KIAA1958: variants seen among roughly 807,000 people sequenced by gnomAD.
KIAA1958 encodes KIAA1958.
Under a neutral mutation model 47.2 loss-of-function variants are expected in KIAA1958, and 14 were observed. The ratio of observed to expected loss-of-function variants is 0.30; its 90% CI spans 0.20 to 0.46. The LOEUF is 0.46. Ranked by LOEUF, KIAA1958 falls within the 20% of genes least tolerant of loss-of-function variation. The probability of loss-of-function intolerance (pLI) is 1.00; values close to 1 mark genes in which losing one functional copy is unlikely to be tolerated. For missense variants in KIAA1958, 803 were observed against 909.2 expected, an observed-to-expected ratio of 0.88 and a Z score of 1.50; for synonymous variants, 354 against 353.3, an observed-to-expected ratio of 1.00 and a Z score of -0.02.
In KIAA1958 at chr9:112,545,044, C is replaced by G. The variant is rs181745375; in HGVS notation, c.-24-29013C>G. Among the ~76,000 whole-genome samples the G allele has an allele frequency of 2.8e-3, 421 of 152,260 alleles. 2 individuals carry two copies. Among genetic ancestry groups the G allele is most frequent in the African/African-American group, 9.7e-3 (405 of 41,566 alleles). On this transcript the variant is annotated intron_variant, in intron 1 of 3. Transcript: ENST00000337530. Reference sequence around the variant, plus strand: ...CAGTTCATTAATGTGAGGGCTCAGACTCTTAAGGTACTTATAAAACCTCAA... The same window carrying G: ...CAGTTCATTAATGTGAGGGCTCAGAGTCTTAAGGTACTTATAAAACCTCAA...
chr9:112,629,171 CTA>C (rs1340608130), intron 2 of KIAA1958, among the ~76,000 whole-genome samples: 19 of 152,044 alleles, frequency 1.2e-4, no homozygotes, highest in Admixed American at 1.2e-3. Context: ...AATTTAGTCA[CTA>C]TAATTTAAGG....
chr9:112,566,447 T>G (rs1835428626), intron 1 of KIAA1958, among the ~76,000 whole-genome samples: 1 of 152,134 alleles, frequency 6.6e-6, no homozygotes, highest in Non-Finnish European at 1.5e-5. Context: ...TTTTTACATT[T>G]TTAAACTGTT....
At position 112,659,548 on chromosome 9, in the gene KIAA1958, G is replaced by C; in HGVS notation, c.1630G>C (p.Ala544Pro). Residue 544 changes from alanine to proline, a missense_variant, in exon 4 of 4, where the codon GCA (alanine) becomes CCA (proline). Ala to Pro is a conservative substitution (Grantham distance 27). Around this residue, in one of 2 missense-constraint regions of KIAA1958, gnomAD observed 761 missense variants for 829.3 expected, o/e 0.92. Transcript: ENST00000337530. ...TTCTGACGAGGAGGAGATGTGGCAG[G>C]CAGGGTGTCTGGGGGATGACAGCCC... ...SLSDEEEMWQAGCLGDDSPIT... is the reference protein window; with the variant it reads ...SLSDEEEMWQPGCLGDDSPIT... The C allele has an allele frequency of 6.2e-7, 1 of 1,613,136 alleles. No homozygotes were observed. The highest frequency in any genetic ancestry group is 1.1e-5 in the South Asian group (1 of 90,910).
intron 1 of KIAA1958, among the ~76,000 whole-genome samples, chr9:112,565,973 A>T (rs1219640006): frequency 6.6e-6 from 1 of 152,136 alleles, no homozygotes; most frequent in African/African-American, 2.4e-5. Context: ...GCGCGATCTC[A>T]GCTCACTGCA....
intron 2 of KIAA1958, among the ~76,000 whole-genome samples, chr9:112,621,925 A>G (rs1249709662): frequency 6.6e-6 from 1 of 152,112 alleles, no homozygotes; most frequent in Non-Finnish European, 1.5e-5. Flanking sequence ...AATTTTTTGT[A>G]GAGATGGGGT....
At chr9:112,587,990 G>A (rs551512448) in intron 2 of KIAA1958, among the ~76,000 whole-genome samples, 2 of 152,282 alleles carry the variant, frequency 1.3e-5, no homozygotes, top group African/African-American at 2.4e-5. Context: ...TTAAGCAGTA[G>A]AAGAAGTTAA....
At chr9:112,622,513 A>G (rs932010368) in intron 2 of KIAA1958, among the ~76,000 whole-genome samples, 37 of 152,332 alleles carry the variant, frequency 2.4e-4, no homozygotes, top group African/African-American at 8.7e-4. Context: ...AAAAGTTAAG[A>G]GATAGGATAT....
rs762317958 is a variant in KIAA1958 at position 112,487,047 on chromosome 9, C to T, written c.-96C>T. On this transcript the variant is annotated 5_prime_UTR_variant, in exon 1 of 4. Coordinates refer to ENST00000337530, the MANE Select transcript of KIAA1958 (RefSeq NM_133465.4). ...CCCCTTCGGCCCGTCCCGTCCAGCC[C>T]GGGCTGCCCGGCTCTCGCAGGCCCC... 64 of 217,752 alleles carry T rather than the reference C, an allele frequency of 2.9e-4. 1 individual carries two copies. The South Asian group carries it at 3.3e-3, about 11-fold the overall frequency. The allele number at this position is 217,752 out of a possible 1,614,324, so 13.5% of individuals were successfully genotyped here.
intron 2 of KIAA1958, chr9:112,581,928 GGGATGC>G (rs1835743272): frequency 4.2e-6 from 1 of 236,070 alleles, no homozygotes; most frequent in Non-Finnish European, 8.9e-6. Flanking sequence ...CTAGTCCTGG[GGGATGC>G]ATTCAGCCCA....
chr9:112,505,202 A>G (rs6477944), intron 1 of KIAA1958, among the ~76,000 whole-genome samples: 145,584 of 152,264 alleles, frequency 0.96, 69,660 homozygotes, highest in African/African-American at 0.98. Flanking sequence ...CATCCATGTT[A>G]CTGAAAATGA....
At chr9:112,535,942 T>C (rs2132816892) in intron 1 of KIAA1958, among the ~76,000 whole-genome samples, 1 of 152,358 alleles carries the variant, frequency 6.6e-6, no homozygotes, top group South Asian at 2.1e-4. Context: ...GACTTTTTCT[T>C]CATGGCTCTG....
At chr9:112,615,338 T>C (rs998526088) in intron 2 of KIAA1958, among the ~76,000 whole-genome samples, 2 of 149,972 alleles carry the variant, frequency 1.3e-5, no homozygotes, top group African/African-American at 4.9e-5. Flanking sequence ...GAGAATAGCT[T>C]GAACCTAGAA....
intron 2 of KIAA1958, among the ~76,000 whole-genome samples, chr9:112,584,281 G>A (rs916234678): frequency 4.6e-5 from 7 of 152,016 alleles, no homozygotes; most frequent in African/African-American, 1.7e-4. Context: ...AATTCTATAG[G>A]GTTGATATAT....
At chr9:112,530,893 A>G (rs775030208) in intron 1 of KIAA1958, among the ~76,000 whole-genome samples, 18 of 152,234 alleles carry the variant, frequency 1.2e-4, no homozygotes, top group Non-Finnish European at 8.8e-5. Context: ...TTAGAAGCCT[A>G]GAATTCTTAA....
intron 1 of KIAA1958, among the ~76,000 whole-genome samples, chr9:112,491,158 G>A (rs1204808395): frequency 1.3e-5 from 2 of 152,116 alleles, no homozygotes; most frequent in Non-Finnish European, 2.9e-5. Flanking sequence ...TAGCGATGGG[G>A]TCTTGCGGTG....
chr9:112,598,164 G>A (rs1402223491), intron 2 of KIAA1958, among the ~76,000 whole-genome samples: 2 of 152,152 alleles, frequency 1.3e-5, no homozygotes, highest in Non-Finnish European at 2.9e-5. Flanking sequence ...TGAGAGGTTT[G>A]GAAATGGAGG....
At chr9:112,494,234 T>C (rs989449662) in intron 1 of KIAA1958, among the ~76,000 whole-genome samples, 10 of 152,320 alleles carry the variant, frequency 6.6e-5, no homozygotes, top group Non-Finnish European at 1.5e-4. Flanking sequence ...TTAATTCTCC[T>C]AGATACACAG....
At chr9:112,554,740 C>T (rs552275116) in intron 1 of KIAA1958, among the ~76,000 whole-genome samples, 1 of 152,146 alleles carries the variant, frequency 6.6e-6, no homozygotes, top group African/African-American at 2.4e-5. Context: ...TAACAAGAAT[C>T]CTAGGTGATT....
chr9:112,574,985 C>G lies in KIAA1958; in HGVS notation c.905C>G (p.Thr302Ser), dbSNP rs766756961. Residue 302 changes from threonine (T) to serine (S), a missense_variant, in exon 2 of 4, where the codon ACC becomes AGC. This residue lies in a region of KIAA1958 where 761 missense variants were observed against 829.3 expected (regional missense o/e 0.92). Transcript: ENST00000337530. ...AGAGGACCCCCTGGTACACATGGCA[C>G]CAACCAACAGGTGGCCATGCAAATG... is the stretch of plus-strand genomic sequence containing the variant. ...PNRGPPGTHG[T>S]NQQVAMQMPV... 1 of 1,614,180 alleles carries G rather than the reference C, an allele frequency of 6.2e-7. No individual in the cohort carries two copies. The highest frequency in any genetic ancestry group is 2.2e-5 in the East Asian group (1 of 44,880).
Sources: allele counts gnomAD v4.1 joint callset (sites outside exome capture counted in the v4.1 genomes callset), GRCh38; gene constraint gnomAD v4.1.1; regional missense constraint gnomAD v4.1.1; transcripts MANE v1.5; gene names NCBI Gene and HGNC (gene_info 2026-07-23, HGNC 2026-07-21).